Variants in CCDC88B observed in about 807,000 individuals in gnomAD.
CCDC88B encodes coiled-coil domain-containing protein 88B.
Under a neutral mutation model 183.7 loss-of-function variants are expected in CCDC88B, and 138 were observed. That is an observed-to-expected ratio of 0.75 (90% confidence interval 0.65 to 0.87). The LOEUF (loss-of-function observed/expected upper bound fraction) is 0.87, where lower values mean the gene tolerates loss of function less well. Among genes scored for constraint, CCDC88B ranks in the 40% least tolerant of loss-of-function variants. CCDC88B has a pLI of 0.00. For synonymous variants in CCDC88B, 835 were observed against 867.5 expected (o/e 0.96, Z 0.66); for missense variants, 1,822 against 1,965.6 (o/e 0.93, Z 1.38).
Position 64,342,544 on chromosome 11 carries a change from C to T in CCDC88B, c.926C>T (p.Ala309Val), listed in dbSNP as rs2035916285. The change falls in exon 10 of 27, where the codon GCC (alanine) becomes GTC (valine). Residue 309 changes from alanine (A) to valine (V), a missense_variant. Transcript: ENST00000356786. ...RQEAQALSGQ[A>V]KRAELYREEA... ...CAGGCCCAGGCGCTGTCGGGACAGG[C>T]CAAGCGGGCCGAGCTGTACCGCGAG... 1.3e-6 allele frequency: 2 copies of T among 1,530,530 alleles called. No homozygotes were observed. Among genetic ancestry groups the T allele is most frequent in the Non-Finnish European group, 1.7e-6 (2 of 1,144,576 alleles). The allele number at this position is 1,530,530 out of a possible 1,614,324, so 94.8% of individuals were successfully genotyped here. A position where few individuals can be genotyped will look rare whatever the true frequency, so the allele number is the denominator to read the frequency against.
intron 18 of CCDC88B, 107 bp from the exon 19 acceptor site, chr11:64,352,023 C>A: frequency 6.9e-7 from 1 of 1,446,456 alleles, no homozygotes; most frequent in Non-Finnish European, 9.3e-7. Context: ...CTCCACAACT[C>A]TCTCATTGTC....
At chr11:64,342,882 G>C (rs552313782) in intron 10 of CCDC88B, 31 of 495,176 alleles carry the variant, frequency 6.3e-5, no homozygotes, top group South Asian at 3.8e-4. Context: ...GGAGTGGGGG[G>C]GCTGTGTAAG....
At chr11:64,352,425 C>T (rs1477243144) in intron 19 of CCDC88B, 39 bp downstream of exon 19, 3 of 1,495,674 alleles carry the variant, frequency 2.0e-6, no homozygotes, top group Non-Finnish European at 2.7e-6. Flanking sequence ...CCCTGGCACC[C>T]CCTATCTGCC....
intron 7 of CCDC88B, 82 bp downstream of exon 7, chr11:64,341,824 G>A: frequency 2.0e-6 from 3 of 1,494,494 alleles, no homozygotes; most frequent in South Asian, 2.5e-5. Context: ...GGAGATGGAA[G>A]TTTGGGGCCC....
Position 64,342,512 on chromosome 11 carries a change from T to C in CCDC88B, c.904-10T>C. The C allele has an allele frequency of 6.5e-7, 1 of 1,528,096 alleles. No individual in the cohort carries two copies. The highest frequency in any genetic ancestry group is 2.0e-5 in the Admixed American group (1 of 50,614). The allele number at this position is 1,528,096 out of a possible 1,614,324, so 94.7% of individuals were successfully genotyped here. A position where few individuals can be genotyped will look rare whatever the true frequency, so the allele number is the denominator to read the frequency against. ...GCTGGCTGTTCCCAGCTCCACACCG[T>C]CTGGCCCAGGCCCAGGCGCTGTCGG... is the stretch of plus-strand genomic sequence containing the variant. On this transcript the variant is annotated splice_polypyrimidine_tract_variant and intron_variant, in intron 9 of 26. Transcript: ENST00000356786.
intron 26 of CCDC88B, 114 bp from the exon 27 acceptor site, chr11:64,356,925 G>GC: frequency 1.0e-6 from 1 of 989,734 alleles, no homozygotes; most frequent in Admixed American, 2.3e-5. Context: ...GCAGCTGGAA[G>GC]CGGGGGGTAT....
intron 14 of CCDC88B, among the ~76,000 whole-genome samples, chr11:64,346,671 A>AC (rs916615152): frequency 2.0e-5 from 3 of 151,810 alleles, no homozygotes; most frequent in Non-Finnish European, 1.5e-5. Flanking sequence ...CGATCTCCTG[A>AC]CCTCGTGATC....
Position 64,352,339 on chromosome 11 carries a change from G to A in CCDC88B, c.3309G>A (p.Lys1103=), listed in dbSNP as rs1214926588. ...TGCTGGTGCGGCACCGAGACCTCAA[G>A]GCCAACATGCGGGCACTGGAGCTGG... The part of the protein sequence containing the change: ...EGLLVRHRDL[K]ANMRALELAH... The change falls in exon 19 of 27, where the codon AAG becomes AAA. Residue 1103 remains lysine (K), a synonymous_variant. Transcript: ENST00000356786. The A allele has an allele frequency of 9.7e-6, 15 of 1,546,878 alleles. No homozygotes were observed. In the East Asian group the frequency reaches 3.7e-4, roughly 38 times the overall value.
intron 19 of CCDC88B, 122 bp downstream of exon 19, chr11:64,352,508 C>T: frequency 7.2e-7 from 1 of 1,392,814 alleles, no homozygotes; most frequent in Non-Finnish European, 9.5e-7. Context: ...GATGCCCCGG[C>T]CACTGCTGTG....
intron 1 of CCDC88B, 83 bp from the exon 2 acceptor site, chr11:64,340,524 G>T: frequency 6.5e-7 from 1 of 1,536,488 alleles, no homozygotes. Flanking sequence ...CGGGTGAGAA[G>T]GGGTGCTTGG....
At chr11:64,352,909 C>T (rs1565057458) in intron 20 of CCDC88B, 22 bp downstream of exon 20, 1 of 1,551,364 alleles carries the variant, frequency 6.4e-7, no homozygotes, top group Non-Finnish European at 8.7e-7. Context: ...GCCACAGCCT[C>T]TAGCAGCTCT....
rs1469812352 is a variant in CCDC88B at position 64,344,246 on chromosome 11, C to A, written c.1705C>A (p.Pro569Thr). The change falls in exon 14 of 27, where the codon CCC becomes ACC. Residue 569 changes from proline (P) to threonine (T), a missense_variant. Physicochemically the swap from Pro to Thr is conservative, Grantham distance 38 (BLOSUM62 -1). Transcript: ENST00000356786. The surrounding 1 kb of genome is among the most constrained non-coding windows in gnomAD (Gnocchi z 4.5). ...TCCCCTTCAGGCAGCTGCCATGGAC[C>A]CCCAGGCCTCAGACTGGTCCCCGCA... ...ESPLQAAAMD[P>T]QASDWSPQES... 1 of 1,613,598 alleles carries A rather than the reference C, an allele frequency of 6.2e-7. No homozygotes were observed. Among genetic ancestry groups the A allele is most frequent in the Non-Finnish European group, 8.5e-7 (1 of 1,179,938 alleles).
In CCDC88B at chr11:64,341,272, G is replaced by A; in HGVS notation, c.391G>A (p.Glu131Lys). ...CCCTTGTGGCATGTGCCTTGCAGAA[G>A]AAGCGGTGGAGCAGCTGGAAGGCGT... ...QTLGFDPLSE[E>K]AVEQLEGVLR... The change falls in exon 5 of 27, where the codon GAA becomes AAA. Residue 131 changes from glutamate to lysine, a missense_variant and splice_region_variant. By Grantham distance (56) the Glu-to-Lys change is moderately conservative (BLOSUM62 1). Coordinates refer to ENST00000356786, the MANE Select transcript of CCDC88B (RefSeq NM_032251.6). 1 of 1,614,164 alleles carries A rather than the reference G, an allele frequency of 6.2e-7. No individual in the cohort carries two copies. The highest frequency in any genetic ancestry group is 8.5e-7 in the Non-Finnish European group (1 of 1,180,026).
In CCDC88B at chr11:64,357,249, GGGGCCCGGAGATGGAGCT is replaced by G. The variant is rs2036575521; in HGVS notation, c.*159_*176del. ...CCTGAGATCCTCCACGGTCAGCGCCGGGGCCCGGAGATGGAGCTGGGACGAGTGTGTGGACAGGGGGGA... is the reference window on the plus strand; with the variant it reads ...CCTGAGATCCTCCACGGTCAGCGCCGGGGACGAGTGTGTGGACAGGGGGGA... On this transcript the variant is annotated 3_prime_UTR_variant, in exon 27 of 27. Transcript: ENST00000356786. 1 of 895,518 alleles carries G rather than the reference GGGGCCCGGAGATGGAGCT, an allele frequency of 1.1e-6. No individual in the cohort carries two copies. Among genetic ancestry groups the G allele is most frequent in the Non-Finnish European group, 1.8e-6 (1 of 543,050 alleles). The allele number at this position is 895,518 out of a possible 1,614,324, so 55.5% of individuals were successfully genotyped here.
intron 14 of CCDC88B, among the ~76,000 whole-genome samples, chr11:64,346,187 G>T (rs1467952569): frequency 6.6e-6 from 1 of 152,204 alleles, no homozygotes; most frequent in Non-Finnish European, 1.5e-5. Flanking sequence ...GGAGCTTGGG[G>T]CTATCAGGAC....
Position 64,341,271 on chromosome 11 carries a change from A to G in CCDC88B, c.390A>G (p.Glu130=), listed in dbSNP as rs1426665009. 1 of 1,614,140 alleles carries G rather than the reference A, an allele frequency of 6.2e-7. No homozygotes were observed. The highest frequency in any genetic ancestry group is 2.2e-5 in the East Asian group (1 of 44,886). ...CCCCTTGTGGCATGTGCCTTGCAGA[A>G]GAAGCGGTGGAGCAGCTGGAAGGCG... ...LQTLGFDPLS[E]EAVEQLEGVL... is the part of the protein sequence containing the mutation. The change falls in exon 5 of 27, where the codon GAA becomes GAG. Residue 130 remains glutamate, a splice_region_variant and synonymous_variant. Transcript: ENST00000356786.
In CCDC88B at chr11:64,345,073, A is replaced by G; in HGVS notation, c.2532A>G (p.Glu844=). The change falls in exon 14 of 27, where the codon GAA becomes GAG. Residue 844 remains glutamate (E), a synonymous_variant. Transcript: ENST00000356786. The part of the protein sequence containing the change: ...RLRAQSEAAE[E]RMQVLESEGR... The stretch of plus-strand genomic sequence containing the variant: ...GGGCCCAGTCGGAGGCCGCCGAGGA[A>G]CGGATGCAGGTGCTGGAGAGCGAGG... 1 of 1,551,288 alleles carries G rather than the reference A, an allele frequency of 6.4e-7. No individual in the cohort carries two copies. Among genetic ancestry groups the G allele is most frequent in the Non-Finnish European group, 8.7e-7 (1 of 1,150,876 alleles).
chr11:64,353,518 G>A (rs368855037), intron 22 of CCDC88B, 22 bp downstream of exon 22: 17 of 1,606,840 alleles, frequency 1.1e-5, no homozygotes, highest in East Asian at 4.5e-5. Context: ...GCCTGGGAGC[G>A]GGGTGGGGCC....
chr11:64,353,765 T>C lies in CCDC88B; in HGVS notation c.3884T>C (p.Ile1295Thr). ...GAGAAGCAGAAGCTCGTGGAGAAGA[T>C]CATGGACCAATACCGCGTGCTGGAG... The part of the protein sequence containing the change: ...RREKQKLVEK[I>T]MDQYRVLEPV... Residue 1295 changes from isoleucine to threonine, a missense_variant, in exon 23 of 27, where the codon ATC becomes ACC. Physicochemically the swap from Ile to Thr is moderately conservative, Grantham distance 89 (BLOSUM62 -1). Transcript: ENST00000356786. 1 of 1,614,006 alleles carries C rather than the reference T, an allele frequency of 6.2e-7. No individual in the cohort carries two copies. The highest frequency in any genetic ancestry group is 8.5e-7 in the Non-Finnish European group (1 of 1,179,962).
Sources: allele counts gnomAD v4.1 joint callset (sites outside exome capture counted in the v4.1 genomes callset), GRCh38; gene constraint gnomAD v4.1.1; non-coding constraint Gnocchi (gnomAD v3.1); transcripts MANE v1.5; gene names NCBI Gene and HGNC (gene_info 2026-07-23, HGNC 2026-07-21).